Variants in TMEM185A observed in about 807,000 individuals in gnomAD.
TMEM185A encodes transmembrane protein 185A.
A neutral mutation model predicts 25.0 loss-of-function variants in TMEM185A; 9 were observed. That is an observed-to-expected ratio of 0.36 (90% CI 0.22 to 0.63). The LOEUF is 0.63. TMEM185A is among the 20% of genes least tolerant of loss of function. The pLI is 0.68. For synonymous variants in TMEM185A, 45 were observed against 93.5 expected, an observed-to-expected ratio of 0.48 and a Z score of 2.99; for missense variants, 103 against 237.4, an observed-to-expected ratio of 0.43 and a Z score of 3.72.
At chrX:149,624,372 GGAGA>G (rs1569561080) in intron 1 of TMEM185A, among the ~76,000 whole-genome samples, 1 of 112,109 alleles carries the variant, frequency 8.9e-6, no homozygotes, top group Non-Finnish European at 1.9e-5. Flanking sequence ...AAGAAGGGAG[GGAGA>G]GAGAGAATAT....
At chrX:149,630,816 G>A (rs1042843826) in intron 1 of TMEM185A, among the ~76,000 whole-genome samples, 1 of 111,707 alleles carries the variant, frequency 9.0e-6, no homozygotes, top group Non-Finnish European at 1.9e-5. Flanking sequence ...AGTCGGGCAA[G>A]TGCAAGGACA....
At chrX:149,613,931 A>G (rs1173736956) in intron 1 of TMEM185A, among the ~76,000 whole-genome samples, 2 of 112,442 alleles carry the variant, frequency 1.8e-5, no homozygotes, top group African/African-American at 6.5e-5. Context: ...CAATACATGT[A>G]GAAAGTACTG....
intron 1 of TMEM185A, among the ~76,000 whole-genome samples, chrX:149,618,599 A>C (rs1039794779): frequency 5.4e-5 from 6 of 111,669 alleles, no homozygotes; most frequent in Non-Finnish European, 1.1e-4. Flanking sequence ...TTAACTCTTA[A>C]AAAGAACTCC....
chrX:149,601,704 A>T (rs2090018436), intron 4 of TMEM185A: 1 of 86,772 alleles, frequency 1.2e-5, no homozygotes, highest in Non-Finnish European at 2.1e-5. Flanking sequence ...CAAGGCCGCT[A>T]TCCAAAATGC....
rs1557356712 is a variant in TMEM185A, at chrX:149,631,714, C to CGT, written c.-135_-134insAC. 1.5e-6 allele frequency: 1 copy of CGT among 646,664 alleles called. No individual in the cohort carries two copies. Among genetic ancestry groups the CGT allele is most frequent in the East Asian group, 5.1e-5 (1 of 19,480 alleles). 53.3% of individuals were successfully genotyped at this position (646,664 alleles called of 1,213,427 possible). A position where few individuals can be genotyped will look rare whatever the true frequency, so the allele number is the denominator to read the frequency against. On this transcript the variant is annotated 5_prime_UTR_variant, in exon 1 of 7. Transcript: ENST00000600449. ...GCTGCTCCCGCTACTGCTGCCGTCC[C>CGT]CGCTGCCGTCGCCGTCGCCGTCGCC...
At chrX:149,606,837 C>T (rs1167287366) in intron 3 of TMEM185A, 1 of 112,603 alleles carries the variant, frequency 8.9e-6, no homozygotes, top group Non-Finnish European at 1.9e-5. Flanking sequence ...GAAAGACTTA[C>T]TTTCTGTAAT....
At chrX:149,623,111 T>C (rs141857973) in intron 1 of TMEM185A, among the ~76,000 whole-genome samples, 66 of 112,067 alleles carry the variant, frequency 5.9e-4, no homozygotes, top group African/African-American at 2.0e-3. Flanking sequence ...AAACACTAGA[T>C]TTATTATTTC....
In TMEM185A at chrX:149,597,228, G is replaced by GGT; in HGVS notation, c.*782_*783insAC. On this transcript the variant is annotated 3_prime_UTR_variant, in exon 7 of 7. Coordinates refer to ENST00000600449, the MANE Select transcript of TMEM185A (RefSeq NM_032508.4). Reference sequence around the variant, plus strand: ...GAAGGCGTGGCACCCCACGGGGGGGGGGGGAGTGTGCCACGGGCGTCCACT... The same window carrying GGT: ...GAAGGCGTGGCACCCCACGGGGGGGGGTGGGGAGTGTGCCACGGGCGTCCACT... The GGT allele has an allele frequency of 1.2e-5, 1 of 82,021 alleles. No individual in the cohort carries two copies. Among genetic ancestry groups the GGT allele is most frequent in the Non-Finnish European group, 2.7e-5 (1 of 36,534 alleles). 6.8% of individuals were successfully genotyped at this position (82,021 alleles called of 1,213,427 possible).
At chrX:149,610,909 GC>G (rs2090079959) in intron 2 of TMEM185A, among the ~76,000 whole-genome samples, 1 of 112,099 alleles carries the variant, frequency 8.9e-6, no homozygotes, top group African/African-American at 3.2e-5. Context: ...GACAAGGGGA[GC>G]CCCAGTTCCA....
chrX:149,631,298 C>CGGCCGGGCCCTTCCGGCCGT (rs1163759867), intron 1 of TMEM185A, among the ~76,000 whole-genome samples: 1 of 110,619 alleles, frequency 9.0e-6, no homozygotes, highest in South Asian at 4.0e-4. Flanking sequence ...ACGGGGCTCG[C>CGGCCGGGCCCTTCCGGCCGT]GGCCGGGCCC....
rs2090011085 is a variant in TMEM185A, at chrX:149,599,689, G to C, written c.685-12C>G. ...TGAACCAGCAGAATCTAAAGAAAGA[G>C]ACATAGTCCCGGTTGATGCCAGCAC... is the stretch of plus-strand genomic sequence containing the variant. On this transcript the variant is annotated splice_polypyrimidine_tract_variant and intron_variant, in intron 5 of 6. Transcript: ENST00000600449. 3 of 1,202,532 alleles carry C rather than the reference G, an allele frequency of 2.5e-6. No individual in the cohort carries two copies. Among genetic ancestry groups the C allele is most frequent in the Admixed American group, 4.4e-5 (2 of 45,740 alleles).
At chrX:149,603,722 C>T (rs2090029857) in intron 4 of TMEM185A, 2 of 242,662 alleles carry the variant, frequency 8.2e-6, no homozygotes, top group Non-Finnish European at 1.5e-5. Context: ...TTATAAAGAC[C>T]TTTTATTAAC....
At chrX:149,621,470 T>C (rs1442212403) in intron 1 of TMEM185A, among the ~76,000 whole-genome samples, 1 of 112,276 alleles carries the variant, frequency 8.9e-6, no homozygotes, top group Non-Finnish European at 1.9e-5. Flanking sequence ...TAATTCATGA[T>C]TCAAATACTA....
chrX:149,613,042 G>A (rs144368859), intron 1 of TMEM185A, among the ~76,000 whole-genome samples: 3,244 of 111,642 alleles, frequency 0.029, 103 homozygotes, highest in African/African-American at 0.09. Context: ...GAGTCCACCT[G>A]GTTAAGCCAG....
At chrX:149,617,057 A>G (rs1200478620) in intron 1 of TMEM185A, among the ~76,000 whole-genome samples, 1 of 112,611 alleles carries the variant, frequency 8.9e-6, no homozygotes, top group East Asian at 2.8e-4. Flanking sequence ...TGGTGGTACA[A>G]CTGGATAAAT....
intron 1 of TMEM185A, among the ~76,000 whole-genome samples, chrX:149,629,440 G>A (rs1459225201): frequency 9.0e-6 from 1 of 111,441 alleles, no homozygotes; most frequent in Non-Finnish European, 1.9e-5. Context: ...CAAAAACTAG[G>A]AGTGCTCAGG....
In TMEM185A at chrX:149,631,685, C is replaced by A. The variant is rs1344106154; in HGVS notation, c.-105G>T. On this transcript the variant is annotated 5_prime_UTR_variant, in exon 1 of 7. Transcript: ENST00000600449. ...ATGGCGCCAGCGCCAGCCGCGTCCA[C>A]GCTGCTGCTCCCGCTACTGCTGCCG... 6 of 818,910 alleles carry A rather than the reference C, an allele frequency of 7.3e-6. No homozygotes were observed. The Admixed American group carries it at 2.4e-4, about 32-fold the overall frequency. 67.5% of individuals were successfully genotyped at this position (818,910 alleles called of 1,213,427 possible).
chrX:149,631,729 TCGCCGTCGCCGC>T lies in TMEM185A; in HGVS notation c.-161_-150del, dbSNP rs1439413906. On this transcript the variant is annotated 5_prime_UTR_variant, in exon 1 of 7. Coordinates refer to ENST00000600449, the MANE Select transcript of TMEM185A (RefSeq NM_032508.4). The stretch of plus-strand genomic sequence containing the variant: ...GCTGCCGTCCCCGCTGCCGTCGCCG[TCGCCGTCGCCGC>T]CGCCGCCGCCGCCGCCGCCGCCGCC... The T allele has an allele frequency of 1.1e-5, 5 of 438,594 alleles. No homozygotes were observed. The highest frequency in any genetic ancestry group is 9.6e-5 in the South Asian group (1 of 10,445). The allele number at this position is 438,594 out of a possible 1,213,427, so 36.1% of individuals were successfully genotyped here. A position where few individuals can be genotyped will look rare whatever the true frequency, so the allele number is the denominator to read the frequency against.
chrX:149,608,268 CCT>C (rs1322090317), intron 3 of TMEM185A, among the ~76,000 whole-genome samples: 3 of 111,369 alleles, frequency 2.7e-5, no homozygotes, highest in African/African-American at 9.8e-5. Context: ...TCAAGCTCTT[CCT>C]AACAAAGGGT....
Sources: gnomAD v4.1 joint callset for allele counts (sites outside exome capture counted in the v4.1 genomes callset) on GRCh38, gnomAD v4.1.1 for gene constraint, MANE v1.5 for transcripts, NCBI Gene and HGNC (gene_info 2026-07-23, HGNC 2026-07-21) for gene names.